AFF3: variants seen among roughly 807,000 people sequenced by gnomAD.
AFF3 encodes the protein AF4/FMR2 family member 3.
Under a neutral mutation model 129.7 loss-of-function variants are expected in AFF3, and 32 were observed. The observed-to-expected ratio is 0.25, with a 90% confidence interval of 0.19 to 0.33. The LOEUF is 0.33. Ranked by LOEUF, AFF3 falls within the 10% of genes least tolerant of loss-of-function variation. The probability of loss-of-function intolerance (pLI) is 1.00; values close to 1 mark genes in which losing one functional copy is unlikely to be tolerated. For missense variants in AFF3, 1,373 were observed against 1,592.0 expected (o/e 0.86, Z 2.34); for synonymous variants, 644 against 635.4 (o/e 1.01, Z -0.20).
chr2:99,641,172 T>C (rs1390163488), intron 13 of AFF3, among the ~76,000 whole-genome samples: 1 of 152,182 alleles, frequency 6.6e-6, no homozygotes, highest in African/African-American at 2.4e-5. Context: ...CTCCCCCTTC[T>C]CCTTCCCCTG....
chr2:99,709,032 G>A (rs1677664245), intron 11 of AFF3, among the ~76,000 whole-genome samples: 1 of 152,202 alleles, frequency 6.6e-6, no homozygotes, highest in South Asian at 2.1e-4. Context: ...GGGGGTAAAG[G>A]GAGAAAGTAC....
intron 4 of AFF3, among the ~76,000 whole-genome samples, chr2:100,073,337 G>A (rs73966416): frequency 3.3e-4 from 50 of 152,262 alleles, no homozygotes; most frequent in Non-Finnish European, 6.2e-4. Context: ...TGAAGGTGTC[G>A]GGTGATACAT....
At chr2:99,642,210 A>AT (rs2105508496) in intron 13 of AFF3, among the ~76,000 whole-genome samples, 1 of 152,278 alleles carries the variant, frequency 6.6e-6, no homozygotes, top group East Asian at 1.9e-4. Flanking sequence ...AGACTTCTCG[A>AT]TAGCATCATA....
chr2:100,137,452 T>C (rs946044627), intron 1 of AFF3, among the ~76,000 whole-genome samples: 5 of 152,236 alleles, frequency 3.3e-5, no homozygotes, highest in African/African-American at 1.2e-4. Context: ...GGGATGTTTT[T>C]CCTCTGAGCC....
intron 7 of AFF3, among the ~76,000 whole-genome samples, chr2:99,845,331 T>C (rs1012568411): frequency 6.6e-6 from 1 of 152,184 alleles, no homozygotes; most frequent in African/African-American, 2.4e-5. Flanking sequence ...TGAACAGAAA[T>C]TAGCGATCTG....
chr2:100,081,421 T>C (rs941622839), intron 4 of AFF3, among the ~76,000 whole-genome samples: 10 of 151,698 alleles, frequency 6.6e-5, no homozygotes, highest in African/African-American at 2.4e-4. Context: ...CAAGCAGAGC[T>C]GGGCAAGCGA....
chr2:99,580,493 T>G (rs897026623), intron 17 of AFF3, among the ~76,000 whole-genome samples: 1 of 152,094 alleles, frequency 6.6e-6, no homozygotes, highest in Non-Finnish European at 1.5e-5. Context: ...CCACTGCGAG[T>G]GGGTGCTCAT....
chr2:99,936,336 T>C (rs185029068), intron 7 of AFF3, among the ~76,000 whole-genome samples: 95 of 152,208 alleles, frequency 6.2e-4, no homozygotes, highest in African/African-American at 2.1e-3. Flanking sequence ...CCTGACAGCT[T>C]CGTGTGCTGA....
chr2:99,933,980 A>G (rs1415914934), intron 7 of AFF3, among the ~76,000 whole-genome samples: 2 of 152,156 alleles, frequency 1.3e-5, no homozygotes, highest in African/African-American at 4.8e-5. Flanking sequence ...CTATCACTGC[A>G]TAATATCCAC....
Position 99,672,089 on chromosome 2 carries a change from A to G in AFF3, c.1143+449T>C, listed in dbSNP as rs1038797193. The stretch of plus-strand genomic sequence containing the variant: ...TCAATGTTAATAATATCTGTGTAAG[A>G]CTTCTCAATATTTAATGTTACGGAT... On this transcript the variant is annotated intron_variant, in intron 12 of 24. Transcript: ENST00000672756. Among the ~76,000 whole-genome samples the G allele has an allele frequency of 2.0e-5, 3 of 151,732 alleles. No homozygotes were observed. The South Asian group carries it at 6.3e-4, about 32-fold the overall frequency.
At chr2:100,090,487 TG>T (rs1689762620) in intron 4 of AFF3, among the ~76,000 whole-genome samples, 1 of 152,208 alleles carries the variant, frequency 6.6e-6, no homozygotes, top group Non-Finnish European at 1.5e-5. Context: ...TTAATGACAG[TG>T]AACTACAGAC....
intron 9 of AFF3, among the ~76,000 whole-genome samples, chr2:99,744,542 C>T (rs1324266946): frequency 6.6e-6 from 1 of 152,272 alleles, no homozygotes; most frequent in South Asian, 2.1e-4. Context: ...TCCCATACCC[C>T]TGCCCTCCCA....
chr2:99,904,866 C>T (rs938839964), intron 7 of AFF3, among the ~76,000 whole-genome samples: 2 of 151,978 alleles, frequency 1.3e-5, no homozygotes, highest in Admixed American at 1.3e-4. Context: ...GTCTAGAGTT[C>T]GAGCCGTTCC....
At chr2:100,048,946 T>TA (rs1418651571) in intron 4 of AFF3, among the ~76,000 whole-genome samples, 3 of 152,186 alleles carry the variant, frequency 2.0e-5, no homozygotes, top group Non-Finnish European at 4.4e-5. Flanking sequence ...TTTTTTAAAA[T>TA]AAAAAAGACA....
chr2:99,639,215 G>A (rs567264107), intron 13 of AFF3, among the ~76,000 whole-genome samples: 1 of 152,290 alleles, frequency 6.6e-6, no homozygotes, highest in African/African-American at 2.4e-5. Flanking sequence ...TGTGTGTTAT[G>A]TACCTGATAG....
intron 7 of AFF3, among the ~76,000 whole-genome samples, chr2:99,881,992 G>A (rs573482021): frequency 3.2e-4 from 49 of 152,228 alleles, no homozygotes; most frequent in African/African-American, 9.2e-4. Flanking sequence ...GGAAAAACAC[G>A]CTGGGAAAGG....
At chr2:100,100,142 T>C (rs1311998240) in intron 4 of AFF3, among the ~76,000 whole-genome samples, 2 of 101,586 alleles carry the variant, frequency 2.0e-5, no homozygotes, top group Admixed American at 1.2e-4. Flanking sequence ...TTCTGGCTTA[T>C]ATGAAGCTGT....
At chr2:99,559,693 T>C (rs1675290814) in intron 21 of AFF3, among the ~76,000 whole-genome samples, 1 of 152,256 alleles carries the variant, frequency 6.6e-6, no homozygotes, top group African/African-American at 2.4e-5. Context: ...AACTCGGATC[T>C]GATGCTGACA....
chr2:99,949,555 C>A (rs1254223718), intron 7 of AFF3, among the ~76,000 whole-genome samples: 3 of 152,014 alleles, frequency 2.0e-5, no homozygotes, highest in African/African-American at 7.3e-5. Flanking sequence ...TGTTTTCCTG[C>A]AACTAGATGG....
Sources: allele counts gnomAD v4.1 joint callset (sites outside exome capture counted in the v4.1 genomes callset), GRCh38; gene constraint gnomAD v4.1.1; transcripts MANE v1.5; gene names NCBI Gene and HGNC (gene_info 2026-07-23, HGNC 2026-07-21).